Variants in ASTN2 observed in about 807,000 individuals in gnomAD.
The protein encoded by ASTN2 is astrotactin 2, also known as astrotactin-2.
ASTN2 carries 54 observed loss-of-function variants against 139.8 expected under a neutral mutation model. The observed-to-expected ratio is 0.39, with a 90% confidence interval of 0.31 to 0.48. The LOEUF (loss-of-function observed/expected upper bound fraction) is 0.48, where lower values mean the gene tolerates loss of function less well. ASTN2 is among the 20% of genes least tolerant of loss of function. The probability of loss-of-function intolerance (pLI) is 0.95; values close to 1 mark genes in which losing one functional copy is unlikely to be tolerated. For synonymous variants in ASTN2, 756 were observed against 719.5 expected (o/e 1.05, Z -0.81); for missense variants, 1,565 against 1,725.1 (o/e 0.91, Z 1.64).
chr9:116,951,558 C>T (rs1835564765), intron 10 of ASTN2, among the ~76,000 whole-genome samples: 1 of 151,968 alleles, frequency 6.6e-6, no homozygotes, highest in African/African-American at 2.4e-5. Context: ...CTTCAATAAA[C>T]TGAAGTGCAT....
chr9:116,783,582 G>A (rs1830280289), intron 13 of ASTN2, among the ~76,000 whole-genome samples: 2 of 152,202 alleles, frequency 1.3e-5, no homozygotes, highest in South Asian at 4.2e-4. Context: ...TAGTTAATAT[G>A]TTCACCTAGA....
intron 7 of ASTN2, among the ~76,000 whole-genome samples, chr9:116,999,728 T>A (rs1837139640): frequency 6.6e-6 from 1 of 151,812 alleles, no homozygotes; most frequent in South Asian, 2.1e-4. Context: ...CTCAGCTAAT[T>A]TTTGTATTTT....
intron 13 of ASTN2, among the ~76,000 whole-genome samples, chr9:116,745,203 T>C (rs1829202276): frequency 6.6e-6 from 1 of 152,206 alleles, no homozygotes; most frequent in Non-Finnish European, 1.5e-5. Context: ...GCAGGTGTTT[T>C]CTTGGCAGAA....
intron 10 of ASTN2, among the ~76,000 whole-genome samples, chr9:116,919,982 A>G (rs1038877985): frequency 6.6e-6 from 1 of 151,584 alleles, no homozygotes; most frequent in African/African-American, 2.4e-5. Flanking sequence ...TAGGAATTAG[A>G]GTGTGGTGGT....
chr9:116,522,788 G>A (rs932681352), intron 19 of ASTN2, among the ~76,000 whole-genome samples: 5 of 152,138 alleles, frequency 3.3e-5, no homozygotes, highest in Admixed American at 6.6e-5. Flanking sequence ...AACTGAGGTT[G>A]TATGACTTGT....
chr9:117,275,490 C>T (rs1253932691), intron 2 of ASTN2, among the ~76,000 whole-genome samples: 1 of 151,994 alleles, frequency 6.6e-6, no homozygotes, highest in Non-Finnish European at 1.5e-5. Context: ...GAGATGGACA[C>T]CGTCTTGCCC....
At chr9:116,842,843 A>G (rs1236919790) in intron 11 of ASTN2, among the ~76,000 whole-genome samples, 1 of 152,034 alleles carries the variant, frequency 6.6e-6, no homozygotes, top group Non-Finnish European at 1.5e-5. Flanking sequence ...GAGACTTCAG[A>G]GTGGAGGAGA....
chr9:116,988,210 G>C (rs563145566), intron 7 of ASTN2, among the ~76,000 whole-genome samples: 40 of 152,270 alleles, frequency 2.6e-4, no homozygotes, highest in African/African-American at 9.1e-4. Flanking sequence ...AGTCAGAATG[G>C]AATTAGAGAT....
intron 19 of ASTN2, among the ~76,000 whole-genome samples, chr9:116,548,924 A>T (rs987227646): frequency 6.6e-6 from 1 of 152,206 alleles, no homozygotes; most frequent in Non-Finnish European, 1.5e-5. Context: ...GACCCTAAAT[A>T]AATGCTGAGA....
chr9:117,115,802 G>A (rs559413800), intron 4 of ASTN2, among the ~76,000 whole-genome samples: 1 of 152,094 alleles, frequency 6.6e-6, no homozygotes, highest in African/African-American at 2.4e-5. Context: ...AAGGCAGGAG[G>A]ATCACGAAGT....
intron 10 of ASTN2, among the ~76,000 whole-genome samples, chr9:116,914,786 A>G (rs1319951987): frequency 6.6e-6 from 1 of 152,006 alleles, no homozygotes; most frequent in Non-Finnish European, 1.5e-5. Flanking sequence ...CACTCTGGAG[A>G]GGTTTAATGT....
At chr9:116,784,757 C>T (rs1830319047) in intron 13 of ASTN2, among the ~76,000 whole-genome samples, 1 of 151,978 alleles carries the variant, frequency 6.6e-6, no homozygotes, top group African/African-American at 2.4e-5. Flanking sequence ...TGGAGAAACC[C>T]TGTCTCTACT....
rs141219870 is a variant in ASTN2, at chr9:116,516,847, T to C, written c.3356-29347A>G. Among the ~76,000 whole-genome samples the C allele has an allele frequency of 3.7e-3, 556 of 152,306 alleles. 1 individual carries two copies. The highest frequency in any genetic ancestry group is 7.5e-3 in the South Asian group (36 of 4,822). ...CAGAGTGAGGCCTGTGACTGCTGGC[T>C]TTCCCCTACTTCCCTGGTGACCTGT... On this transcript the variant is annotated intron_variant, in intron 19 of 22. Transcript: ENST00000313400.
intron 19 of ASTN2, among the ~76,000 whole-genome samples, chr9:116,490,711 C>G (rs1422052957): frequency 4.6e-5 from 7 of 152,132 alleles, no homozygotes; most frequent in Non-Finnish European, 8.8e-5. Flanking sequence ...ATAAAATCAT[C>G]AGATCTCATG....
intron 20 of ASTN2, among the ~76,000 whole-genome samples, chr9:116,458,497 C>G (rs1848396425): frequency 6.6e-6 from 1 of 151,716 alleles, no homozygotes; most frequent in South Asian, 2.1e-4. Flanking sequence ...TATACACCTA[C>G]TATGTACCCA....
intron 19 of ASTN2, among the ~76,000 whole-genome samples, chr9:116,558,363 CTT>C (rs35136766): frequency 1.2e-4 from 17 of 147,498 alleles, no homozygotes; most frequent in Non-Finnish European, 1.8e-4. Context: ...ATGGTCACTA[CTT>C]TTTTTTTTTT....
At chr9:116,982,148 G>A (rs1334817056) in intron 7 of ASTN2, among the ~76,000 whole-genome samples, 7 of 152,332 alleles carry the variant, frequency 4.6e-5, no homozygotes, top group Non-Finnish European at 4.4e-5. Context: ...CAGTAGGCTG[G>A]TGAAATAGTT....
intron 1 of ASTN2, among the ~76,000 whole-genome samples, chr9:117,339,935 C>T (rs532855637): frequency 2.0e-5 from 3 of 151,528 alleles, no homozygotes; most frequent in East Asian, 3.9e-4. Context: ...TTTAAAGAGG[C>T]CCACATGATA....
intron 2 of ASTN2, among the ~76,000 whole-genome samples, chr9:117,275,866 G>A (rs1242066008): frequency 6.6e-6 from 1 of 152,058 alleles, no homozygotes; most frequent in South Asian, 2.1e-4. Context: ...CACAAGTCCT[G>A]TTGGATTAGG....
Sources: allele counts gnomAD v4.1 joint callset (sites outside exome capture counted in the v4.1 genomes callset), GRCh38; gene constraint gnomAD v4.1.1; transcripts MANE v1.5; gene names NCBI Gene and HGNC (gene_info 2026-07-23, HGNC 2026-07-21).